Variants in ANKRD13B observed in about 807,000 individuals in gnomAD.
ANKRD13B encodes the protein ankyrin repeat domain-containing protein 13B.
In ANKRD13B, 33 loss-of-function variants were observed where a neutral mutation model predicts 74.4. The ratio of observed to expected loss-of-function variants is 0.44; its 90% confidence interval spans 0.34 to 0.59. The LOEUF is 0.59. Ranked by LOEUF, ANKRD13B falls within the 20% of genes least tolerant of loss-of-function variation. The pLI is 0.02. For missense variants in ANKRD13B, 676 were observed against 877.9 expected (o/e 0.77, Z 2.91); for synonymous variants, 341 against 362.9 (o/e 0.94, Z 0.68).
intron 14 of ANKRD13B, 176 bp downstream of exon 14, chr17:29,613,139 C>A: frequency 8.7e-7 from 1 of 1,155,804 alleles, no homozygotes; most frequent in Non-Finnish European, 1.2e-6. Context: ...CCAGGCTTCA[C>A]CGCGGAGTTC....
At chr17:29,596,478 G>A (rs571391537) in intron 1 of ANKRD13B, among the ~76,000 whole-genome samples, 3 of 152,326 alleles carry the variant, frequency 2.0e-5, no homozygotes, top group East Asian at 3.9e-4. Flanking sequence ...TTCTGGAGTC[G>A]TGAGTTCCTG....
chr17:29,604,216 CT>C (rs111762441), intron 1 of ANKRD13B, among the ~76,000 whole-genome samples: 16 of 141,736 alleles, frequency 1.1e-4, no homozygotes, highest in South Asian at 2.3e-4. Context: ...CTTTTTGAGG[CT>C]TTTTTTTTTG....
At position 29,608,884 on chromosome 17, in the gene ANKRD13B, C is replaced by A. The variant is rs376027733; in HGVS notation, c.455C>A (p.Thr152Asn). The A allele has an allele frequency of 3.1e-6, 5 of 1,614,028 alleles. No homozygotes were observed. The highest frequency in any genetic ancestry group is 1.7e-5 in the Admixed American group (1 of 60,014). ...PLVSKICPSD[T>N]YKVWKSGQNL... The stretch of plus-strand genomic sequence containing the variant: ...GTGTCCAAGATCTGCCCTAGTGACA[C>A]CTACAAAGTGTGGAAGAGCGGCCAG... The change falls in exon 5 of 15, where the codon ACC becomes AAC. Residue 152 changes from threonine to asparagine, a missense_variant. Thr to Asn is a moderately conservative substitution (Grantham distance 65, BLOSUM62 0). Transcript: ENST00000394859. The surrounding 1 kb of genome is among the most constrained non-coding windows in gnomAD (Gnocchi z 6.4).
In ANKRD13B at chr17:29,593,738, A is replaced by G; in HGVS notation, c.114+3A>G. On this transcript the variant is annotated splice_donor_region_variant and intron_variant, in intron 1 of 14. Coordinates refer to ENST00000394859, the MANE Select transcript of ANKRD13B (RefSeq NM_152345.5). The stretch of plus-strand genomic sequence containing the variant: ...AGAAGGAGGTCCGCGCGGGCCAGGT[A>G]GGAGCGCCTTCGGGGCGCCGCGGGG... The G allele has an allele frequency of 7.2e-7, 1 of 1,395,572 alleles. No homozygotes were observed. The highest frequency in any genetic ancestry group is 9.4e-7 in the Non-Finnish European group (1 of 1,064,318). The allele number at this position is 1,395,572 out of a possible 1,614,324, so 86.4% of individuals were successfully genotyped here.
chr17:29,595,447 G>A (rs1480511282), intron 1 of ANKRD13B, among the ~76,000 whole-genome samples: 1 of 152,192 alleles, frequency 6.6e-6, no homozygotes, highest in Non-Finnish European at 1.5e-5. Context: ...CCTGAGGGTG[G>A]GTGGTCCTTT....
intron 1 of ANKRD13B, among the ~76,000 whole-genome samples, chr17:29,604,100 G>T (rs1189992180): frequency 1.3e-5 from 2 of 151,842 alleles, no homozygotes; most frequent in African/African-American, 2.4e-5. Flanking sequence ...ACTGAATTTT[G>T]GACATTGTAA....
intron 1 of ANKRD13B, among the ~76,000 whole-genome samples, chr17:29,605,266 T>C (rs539088465): frequency 2.0e-5 from 3 of 152,266 alleles, no homozygotes; most frequent in African/African-American, 7.2e-5. Context: ...CAGTCTGGAA[T>C]GTTCCTCCAG....
intron 1 of ANKRD13B, among the ~76,000 whole-genome samples, chr17:29,595,250 G>C (rs1031574927): frequency 7.2e-5 from 11 of 152,242 alleles, no homozygotes; most frequent in Admixed American, 3.9e-4. Flanking sequence ...AAGCAAGTGT[G>C]AACAGGAAAT....
chr17:29,603,310 T>C (rs2034248287), intron 1 of ANKRD13B, among the ~76,000 whole-genome samples: 3 of 151,680 alleles, frequency 2.0e-5, no homozygotes, highest in African/African-American at 7.3e-5. Context: ...GGCGTGATCA[T>C]AGCTCACTGC....
At chr17:29,607,126 T>C (rs1308852118) in intron 1 of ANKRD13B, among the ~76,000 whole-genome samples, 2 of 152,326 alleles carry the variant, frequency 1.3e-5, no homozygotes, top group South Asian at 2.1e-4. Flanking sequence ...TCATGCAATG[T>C]AATCATGTTA....
At chr17:29,610,093 G>A (rs2034528903) in intron 7 of ANKRD13B, among the ~76,000 whole-genome samples, 3 of 151,868 alleles carry the variant, frequency 2.0e-5, no homozygotes, top group Admixed American at 2.0e-4. Context: ...TCGGGAGGCT[G>A]AGGCAGGAGA....
chr17:29,610,844 A>G lies in ANKRD13B; in HGVS notation c.904+78A>G, dbSNP rs1222310820. 5.1e-6 allele frequency: 7 copies of G among 1,382,414 alleles called. No individual in the cohort carries two copies. The East Asian group carries it at 1.6e-4, about 32-fold the overall frequency. 85.6% of individuals were successfully genotyped at this position (1,382,414 alleles called of 1,614,324 possible). A position where few individuals can be genotyped will look rare whatever the true frequency, so the allele number is the denominator to read the frequency against. On this transcript the variant is annotated intron_variant, in intron 8 of 14. Transcript: ENST00000394859. ...CTCCCACTTCAGTGCTTCCATCAGT[A>G]TTCCCACTGGCATCCTAGCAAGAGG...
At chr17:29,605,708 A>G (rs940508236) in intron 1 of ANKRD13B, among the ~76,000 whole-genome samples, 15 of 152,030 alleles carry the variant, frequency 9.9e-5, no homozygotes, top group Non-Finnish European at 1.9e-4. Flanking sequence ...GGCTCAAGCA[A>G]TCCGCCAACC....
At position 29,609,443 on chromosome 17, in the gene ANKRD13B, G is replaced by A. The variant is rs1343915497; in HGVS notation, c.822+22G>A. 28 of 1,612,268 alleles carry A rather than the reference G, an allele frequency of 1.7e-5. No individual in the cohort carries two copies. The highest frequency in any genetic ancestry group is 2.3e-5 in the Non-Finnish European group (27 of 1,179,588). On this transcript the variant is annotated intron_variant, in intron 7 of 14. Coordinates refer to ENST00000394859, the MANE Select transcript of ANKRD13B (RefSeq NM_152345.5). This position sits in a 1 kb window ranked among gnomAD's most constrained non-coding sequence, Gnocchi z 4.0. ...TAAGGTGAGGCTGCAGCTCCCAGCT[G>A]CCAGCCCAGCTGCACTCTTGCCTAC...
In ANKRD13B at chr17:29,593,753, G is replaced by A; in HGVS notation, c.114+18G>A. 4 of 1,363,064 alleles carry A rather than the reference G, an allele frequency of 2.9e-6. No individual in the cohort carries two copies. Among genetic ancestry groups the A allele is most frequent in the Non-Finnish European group, 3.8e-6 (4 of 1,048,480 alleles). The allele number at this position is 1,363,064 out of a possible 1,614,324, so 84.4% of individuals were successfully genotyped here. On this transcript the variant is annotated intron_variant, in intron 1 of 14. Transcript: ENST00000394859. ...CGGGCCAGGTAGGAGCGCCTTCGGG[G>A]CGCCGCGGGGACCCCGCGGCCGGGC...
chr17:29,613,859 T>C lies in ANKRD13B; in HGVS notation c.*277T>C, dbSNP rs906181734. On this transcript the variant is annotated 3_prime_UTR_variant, in exon 15 of 15. Coordinates refer to ENST00000394859, the MANE Select transcript of ANKRD13B (RefSeq NM_152345.5). ...CGCTCCCCTGGGCTCAGATCTGTCCTGTCCTAGGGCGGAGCCAGGCGGTCC... is the reference window on the plus strand; with the variant it reads ...CGCTCCCCTGGGCTCAGATCTGTCCCGTCCTAGGGCGGAGCCAGGCGGTCC... The C allele has an allele frequency of 1.1e-5, 5 of 457,580 alleles. No individual in the cohort carries two copies. The highest frequency in any genetic ancestry group is 1.0e-4 in the African/African-American group (5 of 48,648). 28.3% of individuals were successfully genotyped at this position (457,580 alleles called of 1,614,324 possible). A position where few individuals can be genotyped will look rare whatever the true frequency, so the allele number is the denominator to read the frequency against.
intron 1 of ANKRD13B, among the ~76,000 whole-genome samples, chr17:29,594,510 G>C (rs1030467972): frequency 6.6e-6 from 1 of 152,250 alleles, no homozygotes; most frequent in Non-Finnish European, 1.5e-5. Context: ...AACAGGGGAA[G>C]GGGGGATGTC....
At position 29,611,124 on chromosome 17, in the gene ANKRD13B, A is replaced by G. The variant is rs1454073692; in HGVS notation, c.904+358A>G. Among the ~76,000 whole-genome samples, 1 of 152,196 alleles carries G rather than the reference A, an allele frequency of 6.6e-6. No individual in the cohort carries two copies. The highest frequency in any genetic ancestry group is 2.4e-5 in the African/African-American group (1 of 41,456). ...CAGGGGACCTTGCCACAGATTCTGTATGCCCATTGATGCCACACCTGATTC... is the reference window on the plus strand; with the variant it reads ...CAGGGGACCTTGCCACAGATTCTGTGTGCCCATTGATGCCACACCTGATTC... On this transcript the variant is annotated intron_variant, in intron 8 of 14. Coordinates refer to ENST00000394859, the MANE Select transcript of ANKRD13B (RefSeq NM_152345.5). This position sits in a 1 kb window ranked among gnomAD's most constrained non-coding sequence, Gnocchi z 4.3.
At chr17:29,603,947 G>A (rs1345694578) in intron 1 of ANKRD13B, among the ~76,000 whole-genome samples, 4 of 146,504 alleles carry the variant, frequency 2.7e-5, no homozygotes, top group Non-Finnish European at 6.0e-5. Flanking sequence ...GCGCCATCTC[G>A]GCTCACTGCA....
Sources: allele counts gnomAD v4.1 joint callset (sites outside exome capture counted in the v4.1 genomes callset), GRCh38; gene constraint gnomAD v4.1.1; non-coding constraint Gnocchi (gnomAD v3.1); transcripts MANE v1.5; gene names NCBI Gene and HGNC (gene_info 2026-07-23, HGNC 2026-07-21).